The following GATAD2B variants were observed in gnomAD, a reference collection of about 807,000 sequenced individuals.
GATAD2B encodes GATA zinc finger domain containing 2B, also known as transcriptional repressor p66-beta.
Under a neutral mutation model 64.3 loss-of-function variants are expected in GATAD2B, and 8 were observed. The observed-to-expected ratio is 0.12, with a 90% CI of 0.07 to 0.22. The LOEUF (loss-of-function observed/expected upper bound fraction) is 0.22. Ranked by LOEUF, GATAD2B falls within the 10% of genes least tolerant of loss-of-function variation. The probability of loss-of-function intolerance (pLI) is 1.00; values close to 1 mark genes in which losing one functional copy is unlikely to be tolerated. For synonymous variants in GATAD2B, 281 were observed against 271.3 expected (o/e 1.04, Z -0.35); for missense variants, 453 against 752.0 (o/e 0.60, Z 4.65).
At chr1:153,818,002 G>C (rs574725338) in intron 5 of GATAD2B, 38 bp downstream of exon 5, 62 of 1,534,668 alleles carry the variant, frequency 4.0e-5, no homozygotes, top group Non-Finnish European at 5.3e-5. Flanking sequence ...GATTAGACAC[G>C]GCCCTCCAAC....
intron 1 of GATAD2B, among the ~76,000 whole-genome samples, chr1:153,834,236 C>T (rs1557792782): frequency 1.3e-5 from 2 of 151,888 alleles, no homozygotes; most frequent in South Asian, 4.2e-4. Flanking sequence ...GAACTCCTGA[C>T]CTCGTGATCC....
At chr1:153,883,083 A>G (rs1393219990) in intron 1 of GATAD2B, among the ~76,000 whole-genome samples, 31 of 152,150 alleles carry the variant, frequency 2.0e-4, no homozygotes, top group Non-Finnish European at 1.5e-5. Flanking sequence ...TCCCATGAAT[A>G]TGTCATTCCA....
chr1:153,843,688 C>T (rs1187593131), intron 1 of GATAD2B, among the ~76,000 whole-genome samples: 1 of 151,988 alleles, frequency 6.6e-6, no homozygotes, highest in Non-Finnish European at 1.5e-5. Flanking sequence ...TATCCATTCT[C>T]CACCTCAACA....
intron 1 of GATAD2B, among the ~76,000 whole-genome samples, chr1:153,851,783 G>C (rs963075060): frequency 3.3e-5 from 5 of 152,158 alleles, no homozygotes; most frequent in African/African-American, 1.2e-4. Context: ...CCCGCATGAA[G>C]ATGTTTTTAT....
chr1:153,882,611 A>T (rs187894958), intron 1 of GATAD2B, among the ~76,000 whole-genome samples: 1 of 152,282 alleles, frequency 6.6e-6, no homozygotes, highest in Non-Finnish European at 1.5e-5. Flanking sequence ...CAATTTAAAA[A>T]TTTTTTAATG....
rs1374715833 is a variant in GATAD2B, at chr1:153,805,148, C to A, written c.*5029G>T. ...ACCCTGTACCCTCTCCAGGCTTTATCAGCCCAGAACCTAAAGAAGAGAGTA... is the reference window on the plus strand; with the variant it reads ...ACCCTGTACCCTCTCCAGGCTTTATAAGCCCAGAACCTAAAGAAGAGAGTA... On this transcript the variant is annotated 3_prime_UTR_variant, in exon 11 of 11. Coordinates refer to ENST00000368655, the MANE Select transcript of GATAD2B (RefSeq NM_020699.4). 1 of 150,076 alleles carries A rather than the reference C, an allele frequency of 6.7e-6. No homozygotes were observed. Among genetic ancestry groups the A allele is most frequent in the East Asian group, 2.0e-4 (1 of 4,994 alleles). The allele number at this position is 150,076 out of a possible 1,614,324, so 9.3% of individuals were successfully genotyped here. A position where few individuals can be genotyped will look rare whatever the true frequency, so the allele number is the denominator to read the frequency against.
At chr1:153,889,695 A>C in intron 1 of GATAD2B, 1 of 788,130 alleles carries the variant, frequency 1.3e-6, no homozygotes, top group Non-Finnish European at 1.5e-6. Flanking sequence ...TTATTTTCAT[A>C]TGTTCTCTGT....
At chr1:153,919,770 C>A (rs1678372191) in intron 1 of GATAD2B, among the ~76,000 whole-genome samples, 1 of 152,192 alleles carries the variant, frequency 6.6e-6, no homozygotes, top group Non-Finnish European at 1.5e-5. Flanking sequence ...TATGCCAGGA[C>A]TAGATTTACA....
intron 1 of GATAD2B, among the ~76,000 whole-genome samples, chr1:153,880,323 C>T (rs1210770979): frequency 3.3e-5 from 5 of 151,678 alleles, no homozygotes; most frequent in African/African-American, 1.2e-4. Flanking sequence ...AAAAATTAGC[C>T]GGGTGTGGTG....
rs1383388058 is a variant in GATAD2B at position 153,922,872 on chromosome 1, C to T, written c.-141G>A. On this transcript the variant is annotated 5_prime_UTR_variant, in exon 1 of 11. Transcript: ENST00000368655. ...ACGGGGGTAGGGGAGGGGGGCGGGC[C>T]GGACCGGGGCGGGCGGGCGGAGCAG... is the stretch of plus-strand genomic sequence containing the variant. 1.1e-5 allele frequency: 1 copy of T among 89,056 alleles called. No homozygotes were observed. Among genetic ancestry groups the T allele is most frequent in the East Asian group, 3.7e-4 (1 of 2,680 alleles). The allele number at this position is 89,056 out of a possible 1,614,324, so 5.5% of individuals were successfully genotyped here.
chr1:153,870,180 G>A (rs1340053736), intron 1 of GATAD2B, among the ~76,000 whole-genome samples: 1 of 151,998 alleles, frequency 6.6e-6, no homozygotes. Flanking sequence ...CGAACTCCTG[G>A]CCTCAAAAGA....
At chr1:153,884,249 G>A (rs888675348) in intron 1 of GATAD2B, among the ~76,000 whole-genome samples, 1 of 152,148 alleles carries the variant, frequency 6.6e-6, no homozygotes, top group South Asian at 2.1e-4. Context: ...GACCATTCTG[G>A]CTAACACGGT....
At chr1:153,884,283 C>CA (rs1210051702) in intron 1 of GATAD2B, among the ~76,000 whole-genome samples, 1 of 152,152 alleles carries the variant, frequency 6.6e-6, no homozygotes, top group African/African-American at 2.4e-5. Flanking sequence ...ACTAAAAATA[C>CA]AAAAAAATTA....
At chr1:153,905,485 G>A (rs2101963983) in intron 1 of GATAD2B, among the ~76,000 whole-genome samples, 1 of 126,128 alleles carries the variant, frequency 7.9e-6, no homozygotes, top group East Asian at 2.5e-4. Context: ...AAAACTATGT[G>A]AAAAGAAAAA....
At chr1:153,912,354 G>A (rs2101969336) in intron 1 of GATAD2B, among the ~76,000 whole-genome samples, 1 of 152,178 alleles carries the variant, frequency 6.6e-6, no homozygotes, top group Admixed American at 6.6e-5. Flanking sequence ...AAATAAATAA[G>A]CAAAACTTTC....
At chr1:153,822,218 A>C (rs1341211342) in intron 2 of GATAD2B, among the ~76,000 whole-genome samples, 1 of 152,056 alleles carries the variant, frequency 6.6e-6, no homozygotes, top group Non-Finnish European at 1.5e-5. Context: ...AAACACCGGT[A>C]ATTTTGGAAT....
intron 2 of GATAD2B, among the ~76,000 whole-genome samples, chr1:153,826,955 A>AAC (rs1039562022): frequency 2.0e-5 from 3 of 146,876 alleles, no homozygotes; most frequent in Non-Finnish European, 3.0e-5. Context: ...AAAAAAAAAA[A>AAC]AAAAAAACTG....
intron 1 of GATAD2B, among the ~76,000 whole-genome samples, chr1:153,884,176 C>T (rs1677094434): frequency 6.6e-6 from 1 of 152,184 alleles, no homozygotes; most frequent in Non-Finnish European, 1.5e-5. Context: ...CACAGTGGCT[C>T]ATGCCTATAA....
chr1:153,812,867 A>C (rs1674341268), intron 8 of GATAD2B, among the ~76,000 whole-genome samples: 1 of 152,242 alleles, frequency 6.6e-6, no homozygotes, highest in South Asian at 2.1e-4. Flanking sequence ...GGGCTACTTC[A>C]TAATTCACTC....
Sources: allele counts gnomAD v4.1 joint callset (sites outside exome capture counted in the v4.1 genomes callset), GRCh38; gene constraint gnomAD v4.1.1; transcripts MANE v1.5; gene names NCBI Gene and HGNC (gene_info 2026-07-23, HGNC 2026-07-21).